RNF150: variants seen among roughly 807,000 people sequenced by gnomAD.
The protein encoded by RNF150 is ring finger protein 150.
In RNF150, 24 loss-of-function variants were observed where a neutral mutation model predicts 39.3. That is an observed-to-expected ratio of 0.61 (90% CI 0.44 to 0.86). The LOEUF is 0.86. Among genes scored for constraint, RNF150 ranks in the 40% least tolerant of loss-of-function variants. RNF150 has a pLI of 0.00. For missense variants in RNF150, 502 were observed against 587.8 expected, an observed-to-expected ratio of 0.85 and a Z score of 1.51; for synonymous variants, 255 against 227.3, an observed-to-expected ratio of 1.12 and a Z score of -1.10.
intron 1 of RNF150, among the ~76,000 whole-genome samples, chr4:140,977,826 G>T (rs575096496): frequency 1.3e-5 from 2 of 152,048 alleles, no homozygotes; most frequent in Non-Finnish European, 2.9e-5. Context: ...TCTCTGCCTT[G>T]CACATACGAT....
intron 2 of RNF150, among the ~76,000 whole-genome samples, chr4:140,950,500 T>C (rs895187595): frequency 1.3e-5 from 2 of 152,196 alleles, no homozygotes; most frequent in African/African-American, 4.8e-5. Flanking sequence ...TCCAATATCA[T>C]AGAGTTAGTG....
intron 1 of RNF150, among the ~76,000 whole-genome samples, chr4:141,146,604 G>A (rs1445174405): frequency 6.6e-6 from 1 of 151,938 alleles, no homozygotes; most frequent in Non-Finnish European, 1.5e-5. Flanking sequence ...ACTTGGGGAA[G>A]CCATAATTGA....
chr4:140,968,314 G>A (rs1187536171), intron 1 of RNF150, among the ~76,000 whole-genome samples: 1 of 151,776 alleles, frequency 6.6e-6, no homozygotes, highest in African/African-American at 2.4e-5. Flanking sequence ...TGCCACCTGA[G>A]AGCTCTCTCT....
intron 1 of RNF150, among the ~76,000 whole-genome samples, chr4:141,102,798 C>T (rs1739060132): frequency 6.6e-6 from 1 of 151,996 alleles, no homozygotes; most frequent in Admixed American, 6.6e-5. Flanking sequence ...TTGTCTCCAG[C>T]AAAAGTAAAT....
intron 1 of RNF150, among the ~76,000 whole-genome samples, chr4:141,159,914 T>G (rs918696679): frequency 1.4e-5 from 2 of 141,924 alleles, no homozygotes; most frequent in African/African-American, 6.1e-5. Flanking sequence ...TACTGGTGTG[T>G]TTTTTTTTCA....
At position 141,051,550 on chromosome 4, in the gene RNF150, C is replaced by G. The variant is rs1463908973; in HGVS notation, c.484+80775G>C. ...TACCCTAAATCATCTCTGTCAAGTT[C>G]AAAGTTCCACAAGTCTCTAGGGCAG... On this transcript the variant is annotated intron_variant, in intron 1 of 6. Coordinates refer to ENST00000515673, the MANE Select transcript of RNF150 (RefSeq NM_020724.2). 3.9e-5 allele frequency among the ~76,000 whole-genome samples: 6 copies of G among 152,162 alleles called. No homozygotes were observed. In the South Asian group the frequency reaches 1.2e-3, roughly 31 times the overall value.
chr4:141,007,882 G>A (rs1038898610), intron 1 of RNF150, among the ~76,000 whole-genome samples: 1 of 152,166 alleles, frequency 6.6e-6, no homozygotes, highest in Non-Finnish European at 1.5e-5. Flanking sequence ...CTGCATGAAG[G>A]GTTCTCCAAA....
At chr4:141,096,190 CTTTTTTTTTTT>C (rs780868429) in intron 1 of RNF150, among the ~76,000 whole-genome samples, 10 of 67,982 alleles carry the variant, frequency 1.5e-4, no homozygotes, top group South Asian at 6.0e-4. Flanking sequence ...TTTTAGCTTT[CTTTTTTTTTTT>C]TTTTTTTTTT....
At chr4:141,103,031 T>C (rs915404483) in intron 1 of RNF150, among the ~76,000 whole-genome samples, 1 of 152,078 alleles carries the variant, frequency 6.6e-6, no homozygotes. Context: ...AATCACAAAA[T>C]CTTTGACTCA....
At chr4:141,111,965 G>A (rs1247710088) in intron 1 of RNF150, among the ~76,000 whole-genome samples, 1 of 152,084 alleles carries the variant, frequency 6.6e-6, no homozygotes, top group African/African-American at 2.4e-5. Context: ...AAATGCAAAA[G>A]AACTGATTTA....
chr4:141,134,165 C>T (rs1018689484), upstream of RNF150, among the ~76,000 whole-genome samples: 1 of 152,104 alleles, frequency 6.6e-6, no homozygotes, highest in Non-Finnish European at 1.5e-5. Context: ...ACAGGGGACT[C>T]GCAGCACCAA....
intron 1 of RNF150, among the ~76,000 whole-genome samples, chr4:141,168,286 C>G (rs551424083): frequency 6.6e-6 from 1 of 152,166 alleles, no homozygotes; most frequent in Non-Finnish European, 1.5e-5. Flanking sequence ...ATTAAAAAGT[C>G]AGAAAACAAC....
chr4:141,088,356 G>C (rs983397855), intron 1 of RNF150, among the ~76,000 whole-genome samples: 7 of 152,188 alleles, frequency 4.6e-5, no homozygotes, highest in African/African-American at 1.4e-4. Context: ...TTATCAGAAT[G>C]ATCAGAATTT....
chr4:141,118,244 G>GCTC (rs1461026867), intron 1 of RNF150, among the ~76,000 whole-genome samples: 2 of 152,150 alleles, frequency 1.3e-5, no homozygotes, highest in Admixed American at 1.3e-4. Context: ...CTGGCAGTTG[G>GCTC]AGAAGGTTAG....
At chr4:141,139,245 A>T (rs1389460258) in intron 1 of RNF150, among the ~76,000 whole-genome samples, 1 of 152,198 alleles carries the variant, frequency 6.6e-6, no homozygotes, top group Non-Finnish European at 1.5e-5. Flanking sequence ...GTATTCATTT[A>T]TGTTTATATG....
chr4:141,109,452 A>G (rs1739316563), intron 1 of RNF150, among the ~76,000 whole-genome samples: 1 of 152,000 alleles, frequency 6.6e-6, no homozygotes, highest in Admixed American at 6.6e-5. Flanking sequence ...AGTATATACA[A>G]GCAGAAGATT....
At chr4:141,123,348 A>C (rs1726663337) in intron 1 of RNF150, among the ~76,000 whole-genome samples, 1 of 152,180 alleles carries the variant, frequency 6.6e-6, no homozygotes, top group African/African-American at 2.4e-5. Flanking sequence ...CAAGCAGTCC[A>C]TCCAGAGACA....
intron 2 of RNF150, among the ~76,000 whole-genome samples, chr4:140,960,542 T>C (rs1732978492): frequency 6.6e-6 from 1 of 152,162 alleles, no homozygotes; most frequent in African/African-American, 2.4e-5. Context: ...AGGGTTGGAA[T>C]TTTCAGATTC....
chr4:141,063,625 G>T (rs761665393), intron 1 of RNF150, among the ~76,000 whole-genome samples: 2 of 152,156 alleles, frequency 1.3e-5, no homozygotes. Flanking sequence ...GGGCTGGATG[G>T]GGGTGGACGT....
Sources: gnomAD v4.1 joint callset for allele counts (sites outside exome capture counted in the v4.1 genomes callset) on GRCh38, gnomAD v4.1.1 for gene constraint, MANE v1.5 for transcripts, NCBI Gene and HGNC (gene_info 2026-07-23, HGNC 2026-07-21) for gene names.